The following SEC24A variants were observed in gnomAD, a reference collection of about 807,000 sequenced individuals.
The protein encoded by SEC24A is SEC24 homolog A, COPII component.
A neutral mutation model predicts 129.4 loss-of-function variants in SEC24A; 93 were observed. The ratio of observed to expected loss-of-function variants is 0.72; its 90% CI spans 0.61 to 0.85. The LOEUF (loss-of-function observed/expected upper bound fraction) is 0.85, where lower values mean the gene tolerates loss of function less well. Ranked by LOEUF, SEC24A falls within the 40% of genes least tolerant of loss-of-function variation. The pLI is 0.00. For synonymous variants in SEC24A, 460 were observed against 467.3 expected, an observed-to-expected ratio of 0.98 and a Z score of 0.20; for missense variants, 1,264 against 1,307.4, an observed-to-expected ratio of 0.97 and a Z score of 0.51.
intron 1 of SEC24A, among the ~76,000 whole-genome samples, chr5:134,654,184 A>G (rs1358600431): frequency 6.6e-6 from 1 of 151,762 alleles, no homozygotes; most frequent in Non-Finnish European, 1.5e-5. Flanking sequence ...AATAAAAAAC[A>G]AAAGACCTAA....
At position 134,693,860 on chromosome 5, in the gene SEC24A, A is replaced by G; in HGVS notation, c.1913A>G (p.Gln638Arg). 6.2e-7 allele frequency: 1 copy of G among 1,614,136 alleles called. No homozygotes were observed. Among genetic ancestry groups the G allele is most frequent in the Non-Finnish European group, 8.5e-7 (1 of 1,180,030 alleles). The change falls in exon 13 of 23, where the codon CAA becomes CGA. Residue 638 changes from glutamine (Q) to arginine (R), a missense_variant. By Grantham distance (43) the Gln-to-Arg change is conservative. Coordinates refer to ENST00000398844, the MANE Select transcript of SEC24A (RefSeq NM_021982.3). ...SPTGGRMSVF[Q>R]TQLPTLGVGA... ...ACTGGTGGTCGAATGTCTGTCTTTC[A>G]AACACAACTCCCAACTCTTGGAGTG...
chr5:134,723,513 CA>C, intron 21 of SEC24A, 53 bp from the exon 22 acceptor site: 1 of 1,088,154 alleles, frequency 9.2e-7, no homozygotes. Context: ...TACCATAGAC[CA>C]TACATTAGAT....
chr5:134,715,113 G>A lies in SEC24A; in HGVS notation c.2817G>A (p.Met939Ile). Residue 939 changes from methionine to isoleucine, a missense_variant, in exon 19 of 23, where the codon ATG becomes ATA. Physicochemically the swap from Met to Ile is conservative, Grantham distance 10. Coordinates refer to ENST00000398844, the MANE Select transcript of SEC24A (RefSeq NM_021982.3). ...AAAACCAGCCCTTGGTTTACCTTAT[G>A]CTCACAACTCATCCCAGTTTGTATA... ...QVKNQPLVYL[M>I]LTTHPSLYRV... 1 of 1,610,806 alleles carries A rather than the reference G, an allele frequency of 6.2e-7. No homozygotes were observed. The highest frequency in any genetic ancestry group is 8.5e-7 in the Non-Finnish European group (1 of 1,179,208).
At position 134,661,379 on chromosome 5, in the gene SEC24A, C is replaced by G; in HGVS notation, c.358C>G (p.Pro120Ala). ...LPASQNPATTPMPSSSFLPEA... is the reference protein window; with the variant it reads ...LPASQNPATTAMPSSSFLPEA... ...TGCTTCTCAGAACCCAGCTACTACA[C>G]CAATGCCTTCTAGTAGCTTTCTTCC... Residue 120 changes from proline (P) to alanine (A), a missense_variant, in exon 2 of 23, where the codon CCA becomes GCA. Physicochemically the swap from Pro to Ala is conservative, Grantham distance 27. Coordinates refer to ENST00000398844, the MANE Select transcript of SEC24A (RefSeq NM_021982.3). The G allele has an allele frequency of 6.2e-7, 1 of 1,614,186 alleles. No homozygotes were observed. The highest frequency in any genetic ancestry group is 8.5e-7 in the Non-Finnish European group (1 of 1,180,032).
intron 1 of SEC24A, among the ~76,000 whole-genome samples, chr5:134,660,567 T>C (rs1421857651): frequency 6.6e-6 from 1 of 151,902 alleles, no homozygotes; most frequent in East Asian, 1.9e-4. Context: ...TGCTACTGTT[T>C]AGTCCATCTT....
chr5:134,657,764 A>G (rs1397950117), intron 1 of SEC24A, among the ~76,000 whole-genome samples: 2 of 151,992 alleles, frequency 1.3e-5, no homozygotes, highest in African/African-American at 4.8e-5. Context: ...TTTTGTAGAG[A>G]CGAGGTCTCA....
At chr5:134,652,436 C>T (rs1171427565) in intron 1 of SEC24A, among the ~76,000 whole-genome samples, 1 of 151,502 alleles carries the variant, frequency 6.6e-6, no homozygotes, top group Non-Finnish European at 1.5e-5. Context: ...CAGGCATGCG[C>T]CACTATGTCT....
chr5:134,724,260 C>T (rs966402247), intron 22 of SEC24A, among the ~76,000 whole-genome samples: 1 of 152,174 alleles, frequency 6.6e-6, no homozygotes, highest in Non-Finnish European at 1.5e-5. Context: ...TTTCACTCAG[C>T]ATAATGTCAC....
In SEC24A at chr5:134,679,741, T is replaced by G. The variant is rs1296160868; in HGVS notation, c.1381+13T>G. 1 of 1,559,294 alleles carries G rather than the reference T, an allele frequency of 6.4e-7. No homozygotes were observed. Among genetic ancestry groups the G allele is most frequent in the Non-Finnish European group, 8.7e-7 (1 of 1,145,308 alleles). ...CGAGTCAATGATGGTATGGGATGCT[T>G]TTTTGAAACATTTAAACGTTTCTAC... On this transcript the variant is annotated intron_variant, in intron 8 of 22. Coordinates refer to ENST00000398844, the MANE Select transcript of SEC24A (RefSeq NM_021982.3).
At chr5:134,669,030 C>T (rs1580692274) in intron 3 of SEC24A, among the ~76,000 whole-genome samples, 1 of 150,100 alleles carries the variant, frequency 6.7e-6, no homozygotes, top group East Asian at 2.0e-4. Flanking sequence ...CGAGATCACA[C>T]CACAGTACTC....
At chr5:134,681,444 G>T (rs1341839830) in intron 8 of SEC24A, among the ~76,000 whole-genome samples, 1 of 49,668 alleles carries the variant, frequency 2.0e-5, no homozygotes, top group Non-Finnish European at 3.4e-5. Flanking sequence ...TTTATTGTTT[G>T]TGTGTGTGTG....
chr5:134,708,187 G>T (rs755060981), intron 17 of SEC24A, among the ~76,000 whole-genome samples: 8 of 151,966 alleles, frequency 5.3e-5, no homozygotes, highest in Non-Finnish European at 8.8e-5. Context: ...TAAAAACTCT[G>T]GGCTGGGCAT....
chr5:134,661,445 T>G lies in SEC24A; in HGVS notation c.424T>G (p.Tyr142Asp), dbSNP rs1291855903. ...LPPPLNWQYN[Y>D]PSTASQTNHC... ...ACCACCTTTGAATTGGCAATATAACTATCCATCCACAGCCTCACAAACAAA... is the reference window on the plus strand; with the variant it reads ...ACCACCTTTGAATTGGCAATATAACGATCCATCCACAGCCTCACAAACAAA... The change falls in exon 2 of 23, where the codon TAT becomes GAT. Residue 142 changes from tyrosine to aspartate, a missense_variant. By Grantham distance (160) the Tyr-to-Asp change is radical (BLOSUM62 -3). Coordinates refer to ENST00000398844, the MANE Select transcript of SEC24A (RefSeq NM_021982.3). 6.2e-7 allele frequency: 1 copy of G among 1,614,166 alleles called. No individual in the cohort carries two copies. Among genetic ancestry groups the G allele is most frequent in the Non-Finnish European group, 8.5e-7 (1 of 1,180,022 alleles).
intron 15 of SEC24A, among the ~76,000 whole-genome samples, chr5:134,698,612 AG>A (rs1580724523): frequency 6.7e-6 from 1 of 149,122 alleles, no homozygotes; most frequent in Non-Finnish European, 1.5e-5. Context: ...AAAAAAAAAA[AG>A]AAGAAGATAG....
intron 1 of SEC24A, among the ~76,000 whole-genome samples, chr5:134,654,857 C>T (rs1750186162): frequency 6.6e-6 from 1 of 152,134 alleles, no homozygotes; most frequent in South Asian, 2.1e-4. Flanking sequence ...GCTGGGATTA[C>T]AGGTGTGCGT....
Position 134,671,880 on chromosome 5 carries a change from T to G in SEC24A, c.811T>G (p.Leu271Val). 2 of 1,604,928 alleles carry G rather than the reference T, an allele frequency of 1.2e-6. No homozygotes were observed. Among genetic ancestry groups the G allele is most frequent in the Middle Eastern group, 1.7e-4 (1 of 6,030 alleles). ...SSYDEIEGGG[L>V]LATPQLTNKN... ...TTACGACGAGATTGAAGGAGGTGGC[T>G]TATTGGGTGAGATGCTATGAAAGTT... The change falls in exon 4 of 23, where the codon TTA becomes GTA. Residue 271 changes from leucine (L) to valine (V), a missense_variant. By Grantham distance (32) the Leu-to-Val change is conservative (BLOSUM62 1). Coordinates refer to ENST00000398844, the MANE Select transcript of SEC24A (RefSeq NM_021982.3).
rs1402737776 is a variant in SEC24A at position 134,727,592 on chromosome 5, GATTTCA to G, written c.*2500_*2505del. Reference sequence around the variant, plus strand: ...TATTATCTAGGGGACCACCAAATGTGATTTCAAAATTTTGTTAACTATTACAAATGT... The same window carrying G: ...TATTATCTAGGGGACCACCAAATGTGAAATTTTGTTAACTATTACAAATGT... On this transcript the variant is annotated 3_prime_UTR_variant, in exon 23 of 23. Transcript: ENST00000398844. The G allele has an allele frequency of 1.3e-5, 2 of 152,414 alleles. No individual in the cohort carries two copies. The highest frequency in any genetic ancestry group is 4.8e-5 in the African/African-American group (2 of 41,380). The allele number at this position is 152,414 out of a possible 1,614,324, so 9.4% of individuals were successfully genotyped here.
chr5:134,672,966 C>T (rs544443203), intron 4 of SEC24A, among the ~76,000 whole-genome samples: 8 of 151,750 alleles, frequency 5.3e-5, no homozygotes, highest in Non-Finnish European at 8.8e-5. Context: ...GGTCTCGAAC[C>T]CTTGGCTTGA....
chr5:134,701,605 G>A (rs1022348021), intron 15 of SEC24A, among the ~76,000 whole-genome samples: 2 of 151,918 alleles, frequency 1.3e-5, no homozygotes, highest in African/African-American at 2.4e-5. Flanking sequence ...TCGCCTCCCG[G>A]GGTCCAGTGA....
Sources: allele counts gnomAD v4.1 joint callset (sites outside exome capture counted in the v4.1 genomes callset), GRCh38; gene constraint gnomAD v4.1.1; transcripts MANE v1.5; gene names NCBI Gene and HGNC (gene_info 2026-07-23, HGNC 2026-07-21).